Variants in GPC6 observed in about 807,000 individuals in gnomAD.
GPC6 encodes glypican 6, also known as glypican-6.
GPC6 carries 14 observed loss-of-function variants against 55.2 expected under a neutral mutation model. The ratio of observed to expected loss-of-function variants is 0.25; its 90% CI spans 0.17 to 0.40. The LOEUF is 0.40. GPC6 is among the 10% of genes least tolerant of loss of function. GPC6 has a pLI of 1.00. For missense variants in GPC6, 641 were observed against 708.5 expected (o/e 0.90, Z 1.08); for synonymous variants, 278 against 259.6 (o/e 1.07, Z -0.68).
intron 2 of GPC6, among the ~76,000 whole-genome samples, chr13:93,666,825 AAG>A (rs1881157022): frequency 6.6e-6 from 1 of 152,190 alleles, no homozygotes; most frequent in Admixed American, 6.6e-5. Flanking sequence ...GTCCAACAGA[AAG>A]TGCCAGCACA....
intron 2 of GPC6, among the ~76,000 whole-genome samples, chr13:93,575,909 T>G (rs1344886922): frequency 6.6e-6 from 1 of 152,218 alleles, no homozygotes; most frequent in African/African-American, 2.4e-5. Context: ...GCAATGTTTT[T>G]TCTTCTTTTT....
intron 4 of GPC6, among the ~76,000 whole-genome samples, chr13:94,104,066 T>C (rs987469271): frequency 2.0e-5 from 3 of 152,204 alleles, no homozygotes; most frequent in African/African-American, 7.2e-5. Flanking sequence ...TTGTACAAGG[T>C]GTAAGGAAGG....
chr13:94,173,648 G>A (rs1359989108), intron 4 of GPC6, among the ~76,000 whole-genome samples: 1 of 152,132 alleles, frequency 6.6e-6, no homozygotes, highest in Non-Finnish European at 1.5e-5. Context: ...GCCCAAGCTA[G>A]CACACCTCAA....
At chr13:93,421,912 A>G (rs147757984) in intron 1 of GPC6, among the ~76,000 whole-genome samples, 2 of 152,200 alleles carry the variant, frequency 1.3e-5, no homozygotes, top group Non-Finnish European at 2.9e-5. Context: ...TGATTCCCTC[A>G]GCCTAACTGA....
Position 94,306,096 on chromosome 13 carries a change from T to A in GPC6, c.1125T>A (p.Thr375=). The A allele has an allele frequency of 6.2e-7, 1 of 1,614,208 alleles. No homozygotes were observed. Among genetic ancestry groups the A allele is most frequent in the African/African-American group, 1.3e-5 (1 of 75,056 alleles). Residue 375 remains threonine (T), a synonymous_variant, in exon 6 of 9, where the codon ACT becomes ACA. Coordinates refer to ENST00000377047, the MANE Select transcript of GPC6 (RefSeq NM_005708.5). The part of the protein sequence containing the change: ...RPYNPEERPT[T]AAGTSLDRLV... The stretch of plus-strand genomic sequence containing the variant: ...ACAATCCTGAGGAAAGACCAACAAC[T>A]GCTGCAGGCACAAGCTTGGACCGGC...
intron 1 of GPC6, among the ~76,000 whole-genome samples, chr13:93,440,287 G>A (rs893338290): frequency 3.3e-5 from 5 of 152,202 alleles, no homozygotes; most frequent in Admixed American, 1.3e-4. Context: ...AATTACAGGC[G>A]AGAGTTTTGT....
chr13:93,542,986 T>C (rs575240597), intron 1 of GPC6, among the ~76,000 whole-genome samples: 94 of 152,330 alleles, frequency 6.2e-4, no homozygotes, highest in Non-Finnish European at 1.2e-3. Context: ...ACAATTTGAC[T>C]TCCTCTTTTC....
intron 6 of GPC6, among the ~76,000 whole-genome samples, chr13:94,322,541 C>T (rs9524433): frequency 0.12 from 17,570 of 151,922 alleles, 2,515 homozygotes; most frequent in African/African-American, 0.34. Context: ...CTCCAGACTG[C>T]GGTGATTACT....
intron 2 of GPC6, among the ~76,000 whole-genome samples, chr13:93,810,828 C>T (rs1386247297): frequency 6.6e-6 from 1 of 152,188 alleles, no homozygotes; most frequent in Non-Finnish European, 1.5e-5. Flanking sequence ...AGTTTTTATT[C>T]ATCTTATGTA....
At chr13:93,912,906 G>A (rs1877083764) in intron 3 of GPC6, among the ~76,000 whole-genome samples, 1 of 152,094 alleles carries the variant, frequency 6.6e-6, no homozygotes, top group Admixed American at 6.6e-5. Context: ...TGGCTTTGTA[G>A]TTGTATCACT....
At chr13:94,027,094 A>G (rs1417520896) in intron 3 of GPC6, among the ~76,000 whole-genome samples, 1 of 152,202 alleles carries the variant, frequency 6.6e-6, no homozygotes, top group African/African-American at 2.4e-5. Context: ...GATCCAGGGC[A>G]AATAGGATTT....
chr13:93,763,281 G>A (rs1304325890), intron 2 of GPC6, among the ~76,000 whole-genome samples: 2 of 152,328 alleles, frequency 1.3e-5, no homozygotes, highest in African/African-American at 4.8e-5. Flanking sequence ...GCCATGATCA[G>A]CTGGACTCTT....
At chr13:94,082,080 A>T (rs1885120883) in intron 4 of GPC6, among the ~76,000 whole-genome samples, 1 of 152,024 alleles carries the variant, frequency 6.6e-6, no homozygotes, top group Non-Finnish European at 1.5e-5. Flanking sequence ...ACCTCAGATG[A>T]TCCACCTGCC....
At chr13:93,915,016 G>T (rs1414811568) in intron 3 of GPC6, among the ~76,000 whole-genome samples, 1 of 152,104 alleles carries the variant, frequency 6.6e-6, no homozygotes, top group Non-Finnish European at 1.5e-5. Flanking sequence ...CCCAAACTCA[G>T]CATGTCACAA....
chr13:94,034,247 A>AGGAAGGAAGGAG (rs141372123), intron 4 of GPC6, among the ~76,000 whole-genome samples: 13,012 of 146,896 alleles, frequency 0.089, 899 homozygotes, highest in Admixed American at 0.11. Context: ...GAAGGAAGGA[A>AGGAAGGAAGGAG]GGAAAGAAAG....
chr13:93,607,838 G>A (rs9516258), intron 2 of GPC6, among the ~76,000 whole-genome samples: 34,412 of 151,980 alleles, frequency 0.23, 4,404 homozygotes, highest in Middle Eastern at 0.3. Context: ...TATACACAAT[G>A]GGACTTACCA....
At chr13:94,193,603 C>T (rs937555279) in intron 4 of GPC6, among the ~76,000 whole-genome samples, 9 of 152,060 alleles carry the variant, frequency 5.9e-5, no homozygotes, top group African/African-American at 1.2e-4. Context: ...GGTGAGCGTG[C>T]GACATGCCAG....
chr13:94,045,833 C>T (rs1435825590), intron 4 of GPC6, among the ~76,000 whole-genome samples: 1 of 151,752 alleles, frequency 6.6e-6, no homozygotes, highest in Non-Finnish European at 1.5e-5. Context: ...TCTGTTAGCC[C>T]TGTACGTTTC....
At chr13:93,576,004 CT>C (rs1471719963) in intron 2 of GPC6, among the ~76,000 whole-genome samples, 2 of 152,038 alleles carry the variant, frequency 1.3e-5, no homozygotes, top group Admixed American at 1.3e-4. Flanking sequence ...ATAAACAATG[CT>C]TTTTCTTTCT....
Sources: allele counts gnomAD v4.1 joint callset (sites outside exome capture counted in the v4.1 genomes callset), GRCh38; gene constraint gnomAD v4.1.1; transcripts MANE v1.5; gene names NCBI Gene and HGNC (gene_info 2026-07-23, HGNC 2026-07-21).